The following PTBP3 variants were observed in gnomAD, a reference collection of about 807,000 sequenced individuals.
PTBP3 encodes polypyrimidine tract-binding protein 3.
In PTBP3, 20 loss-of-function variants were observed where a neutral mutation model predicts 58.7. That is an observed-to-expected ratio of 0.34 (90% CI 0.24 to 0.50). PTBP3 has a LOEUF of 0.50. Among genes scored for constraint, PTBP3 ranks in the 20% least tolerant of loss-of-function variants. The pLI is 0.98. For synonymous variants in PTBP3, 185 were observed against 219.8 expected, an observed-to-expected ratio of 0.84 and a Z score of 1.40; for missense variants, 509 against 637.2, an observed-to-expected ratio of 0.80 and a Z score of 2.17.
Position 112,221,103 on chromosome 9 carries a change from A to G in PTBP3, c.*2748T>C, listed in dbSNP as rs1156950449. 26 of 985,476 alleles carry G rather than the reference A, an allele frequency of 2.6e-5. No individual in the cohort carries two copies. Among genetic ancestry groups the G allele is most frequent in the Non-Finnish European group, 2.9e-5 (24 of 829,902 alleles). 61.0% of individuals were successfully genotyped at this position (985,476 alleles called of 1,614,324 possible). Reference sequence around the variant, plus strand: ...GGACAACATCCATGTGCTACAGCTAATTTTAGACACAAACTGATGGTTTCA... The same window carrying G: ...GGACAACATCCATGTGCTACAGCTAGTTTTAGACACAAACTGATGGTTTCA... On this transcript the variant is annotated 3_prime_UTR_variant, in exon 14 of 14. Coordinates refer to ENST00000374257, the MANE Select transcript of PTBP3 (RefSeq NM_001163788.4).
At chr9:112,367,226 A>G in the PTBP3 span, among the ~76,000 whole-genome samples, 1 of 152,238 alleles carries the variant, frequency 6.6e-6, no homozygotes, top group Non-Finnish European at 1.5e-5. Context: ...AAAACTTTAG[A>G]CTACAGTTAA....
chr9:112,259,551 A>G lies in PTBP3; in HGVS notation c.516+2884T>C, dbSNP rs115644068. Among the ~76,000 whole-genome samples, 916 of 152,234 alleles carry G rather than the reference A, an allele frequency of 6.0e-3. 7 individuals carry two copies. Among genetic ancestry groups the G allele is most frequent in the African/African-American group, 0.02 (846 of 41,546 alleles). On this transcript the variant is annotated intron_variant, in intron 5 of 13. Coordinates refer to ENST00000374257, the MANE Select transcript of PTBP3 (RefSeq NM_001163788.4). ...ATTTCTCCACATACACATATAACTT[A>G]TATCTTCACATCCTATAAGCCTCTG...
intron 1 of PTBP3, among the ~76,000 whole-genome samples, chr9:112,331,719 A>G (rs910851774): frequency 1.3e-5 from 2 of 152,254 alleles, no homozygotes; most frequent in South Asian, 2.1e-4. Flanking sequence ...CAGTATCTGT[A>G]TAACTGCCTT....
At chr9:112,347,873 T>C in the PTBP3 span, among the ~76,000 whole-genome samples, 1 of 152,206 alleles carries the variant, frequency 6.6e-6, no homozygotes, top group African/African-American at 2.4e-5. Context: ...TGGTTGTTGG[T>C]TTCACAGGTG....
chr9:112,305,853 T>C (rs894890864), intron 1 of PTBP3, among the ~76,000 whole-genome samples: 1 of 151,936 alleles, frequency 6.6e-6, no homozygotes, highest in African/African-American at 2.4e-5. Flanking sequence ...GGCAGGAGAA[T>C]GGCATGATCC....
At chr9:112,295,250 A>G (rs1296833807) in intron 2 of PTBP3, among the ~76,000 whole-genome samples, 1 of 151,794 alleles carries the variant, frequency 6.6e-6, no homozygotes, top group South Asian at 2.1e-4. Context: ...CAAAAGAAAA[A>G]AAAAAAAAAA....
chr9:112,345,341 TAAAAAAAAAAAAAAAAAAAA>T, the PTBP3 span, among the ~76,000 whole-genome samples: 4 of 63,692 alleles, frequency 6.3e-5, no homozygotes, highest in African/African-American at 1.7e-4. Context: ...CCCTCATCTC[TAAAAAAAAAAAAAAAAAAAA>T]AAAAAAAAAG....
intron 1 of PTBP3, among the ~76,000 whole-genome samples, chr9:112,320,315 T>TATATATATATATATATATATA (rs60292377): frequency 1.1e-4 from 3 of 27,072 alleles, no homozygotes; most frequent in South Asian, 1.1e-3. Flanking sequence ...TATATATATA[T>TATATATATATATATATATATA]TTTTTTTTAA....
At chr9:112,347,563 G>A in the PTBP3 span, among the ~76,000 whole-genome samples, 7 of 152,028 alleles carry the variant, frequency 4.6e-5, no homozygotes, top group Admixed American at 1.3e-4. Flanking sequence ...GGCTGGTCTC[G>A]AACTCTTGGG....
the PTBP3 span, among the ~76,000 whole-genome samples, chr9:112,377,520 TCTTC>T: frequency 1.3e-5 from 2 of 152,204 alleles, no homozygotes; most frequent in Non-Finnish European, 2.9e-5. Context: ...GTTGTTCAGC[TCTTC>T]CTTAAGTTAT....
At chr9:112,267,793 G>C (rs1338759222) in intron 4 of PTBP3, among the ~76,000 whole-genome samples, 1 of 152,094 alleles carries the variant, frequency 6.6e-6, no homozygotes, top group African/African-American at 2.4e-5. Flanking sequence ...GAGATTTTAA[G>C]ATGTACATAA....
intron 5 of PTBP3, among the ~76,000 whole-genome samples, chr9:112,254,436 T>C (rs927752543): frequency 1.2e-4 from 18 of 152,200 alleles, no homozygotes; most frequent in Non-Finnish European, 2.2e-4. Flanking sequence ...TAAAAACTTT[T>C]GTGCATCAAA....
intron 1 of PTBP3, among the ~76,000 whole-genome samples, chr9:112,311,687 G>GCCTGTAATC (rs1349270462): frequency 3.9e-5 from 6 of 152,164 alleles, no homozygotes; most frequent in Admixed American, 2.0e-4. Flanking sequence ...AGTGTATCAG[G>GCCTGTAATC]CCTGTAATCC....
At chr9:112,286,358 A>G (rs1402261066) in intron 2 of PTBP3, among the ~76,000 whole-genome samples, 1 of 151,446 alleles carries the variant, frequency 6.6e-6, no homozygotes, top group Admixed American at 6.6e-5. Context: ...TATTTGTCCC[A>G]TTTATTTTTT....
chr9:112,311,790 GT>G (rs1265258249), intron 1 of PTBP3, among the ~76,000 whole-genome samples: 1 of 152,066 alleles, frequency 6.6e-6, no homozygotes, highest in Non-Finnish European at 1.5e-5. Flanking sequence ...AAAAAAAACG[GT>G]TTTTTAATTA....
At chr9:112,379,843 T>A in the PTBP3 span, 1 of 512,094 alleles carries the variant, frequency 2.0e-6, no homozygotes. Context: ...GCCCAGACGC[T>A]AGGCGCCGAC....
At chr9:112,309,600 A>G (rs563366721) in intron 1 of PTBP3, among the ~76,000 whole-genome samples, 1 of 152,136 alleles carries the variant, frequency 6.6e-6, no homozygotes, top group South Asian at 2.1e-4. Flanking sequence ...AGTCTGGCCA[A>G]CATGATGAAA....
chr9:112,333,738 G>A (rs961572110), upstream of PTBP3: 10 of 273,336 alleles, frequency 3.7e-5, no homozygotes, highest in Admixed American at 6.4e-4. Context: ...GCCCTCCCTC[G>A]GGGCCCGCCC....
intron 9 of PTBP3, 64 bp from the exon 10 acceptor site, chr9:112,231,477 T>C: frequency 7.3e-7 from 1 of 1,363,544 alleles, no homozygotes; most frequent in East Asian, 2.4e-5. Context: ...ATAAGTTTAT[T>C]TATACTGTAA....
Sources: gnomAD v4.1 joint callset for allele counts (sites outside exome capture counted in the v4.1 genomes callset) on GRCh38, gnomAD v4.1.1 for gene constraint, MANE v1.5 for transcripts, NCBI Gene and HGNC (gene_info 2026-07-23, HGNC 2026-07-21) for gene names.